The following GABRA3 variants were observed in gnomAD, a reference collection of about 807,000 sequenced individuals.
GABRA3 encodes the protein gamma-aminobutyric acid type A receptor subunit alpha3, also known as gamma-aminobutyric acid receptor subunit alpha-3.
GABRA3 carries 10 observed loss-of-function variants against 30.1 expected under a neutral mutation model. The ratio of observed to expected loss-of-function variants is 0.33; its 90% CI spans 0.20 to 0.56. The LOEUF is 0.56. GABRA3 is among the 20% of genes least tolerant of loss of function. The pLI is 0.89. For synonymous variants in GABRA3, 151 were observed against 146.8 expected (o/e 1.03, Z -0.21); for missense variants, 233 against 392.0 (o/e 0.59, Z 3.42).
chrX:152,393,084 G>A (rs1929537254), intron 1 of GABRA3, among the ~76,000 whole-genome samples: 1 of 112,079 alleles, frequency 8.9e-6, no homozygotes, highest in Admixed American at 9.5e-5. Context: ...TACAGGAGCA[G>A]GTAGACATGA....
At chrX:152,276,196 T>A (rs982340572) in intron 4 of GABRA3, among the ~76,000 whole-genome samples, 2 of 111,723 alleles carry the variant, frequency 1.8e-5, no homozygotes, top group Non-Finnish European at 3.8e-5. Context: ...GTTTATACTT[T>A]TGCTGATGCA....
chrX:152,192,363 G>T (rs1937334442), intron 8 of GABRA3, among the ~76,000 whole-genome samples: 1 of 111,904 alleles, frequency 8.9e-6, no homozygotes, highest in African/African-American at 3.2e-5. Flanking sequence ...TCTCCTTTGA[G>T]CACTTCTAGT....
intron 3 of GABRA3, among the ~76,000 whole-genome samples, chrX:152,287,910 C>G (rs942805307): frequency 9.0e-6 from 1 of 110,644 alleles, no homozygotes; most frequent in Non-Finnish European, 1.9e-5. Flanking sequence ...GTCCAGTGTA[C>G]CAGATCAGCT....
intron 9 of GABRA3, among the ~76,000 whole-genome samples, chrX:152,182,769 G>C (rs1459191589): frequency 4.3e-4 from 3 of 7,054 alleles, no homozygotes; most frequent in African/African-American, 1.3e-3. Flanking sequence ...TGTATATATA[G>C]TATATATATA....
chrX:152,387,001 C>T (rs1929337376), intron 1 of GABRA3, among the ~76,000 whole-genome samples: 1 of 106,756 alleles, frequency 9.4e-6, no homozygotes, highest in Non-Finnish European at 1.9e-5. Flanking sequence ...TTTGTAGGGA[C>T]ATGGATGAAA....
At chrX:152,387,011 A>G (rs1412933277) in intron 1 of GABRA3, among the ~76,000 whole-genome samples, 1 of 106,928 alleles carries the variant, frequency 9.4e-6, no homozygotes, top group African/African-American at 3.4e-5. Flanking sequence ...CATGGATGAA[A>G]TTGGAAATCA....
At chrX:152,216,836 A>G (rs1283915200) in intron 6 of GABRA3, among the ~76,000 whole-genome samples, 2 of 111,020 alleles carry the variant, frequency 1.8e-5, no homozygotes, top group Non-Finnish European at 3.8e-5. Context: ...TCACAAATAC[A>G]CGATAAATAT....
chrX:152,195,790 C>A (rs972684888), intron 8 of GABRA3, among the ~76,000 whole-genome samples: 1 of 111,776 alleles, frequency 8.9e-6, no homozygotes, highest in Non-Finnish European at 1.9e-5. Context: ...ATCTCAAGAT[C>A]TTTTATTTAA....
chrX:152,346,934 G>T (rs1208821305), intron 2 of GABRA3, among the ~76,000 whole-genome samples: 1 of 111,649 alleles, frequency 9.0e-6, no homozygotes, highest in Non-Finnish European at 1.9e-5. Context: ...GAGTTTGGTG[G>T]TTCCTCAAAA....
At chrX:152,274,545 T>A (rs1470763523) in intron 4 of GABRA3, among the ~76,000 whole-genome samples, 6 of 111,387 alleles carry the variant, frequency 5.4e-5, no homozygotes. Context: ...TGAAAAACAC[T>A]AAAAAAATTT....
intron 5 of GABRA3, among the ~76,000 whole-genome samples, chrX:152,240,087 T>C (rs1938326318): frequency 1.0e-5 from 1 of 98,134 alleles, no homozygotes; most frequent in Admixed American, 1.1e-4. Flanking sequence ...TTCTTCCTAG[T>C]CTCGATGGTC....
In GABRA3 at chrX:152,383,605, A is replaced by G. The variant is rs5970287; in HGVS notation, c.-26-19009T>C. On this transcript the variant is annotated intron_variant, in intron 1 of 9. Coordinates refer to ENST00000370314, the MANE Select transcript of GABRA3 (RefSeq NM_000808.4). ...GCAAATCAAAAATTTATAATACTCC[A>G]TATTAAGAAAGCAAAGGGTAAAATC... is the stretch of plus-strand genomic sequence containing the variant. Among the ~76,000 whole-genome samples, 788 of 108,275 alleles carry G rather than the reference A, an allele frequency of 7.3e-3. 7 individuals carry two copies. The highest frequency in any genetic ancestry group is 0.024 in the African/African-American group (713 of 29,806). The allele number at this position is 108,275 out of a possible 115,157, so 94.0% of individuals were successfully genotyped here.
intron 5 of GABRA3, among the ~76,000 whole-genome samples, chrX:152,238,540 A>G (rs1938280736): frequency 9.3e-6 from 1 of 107,459 alleles, no homozygotes; most frequent in East Asian, 2.9e-4. Context: ...CTCTTTTTCT[A>G]TTGATTGGAA....
intron 7 of GABRA3, among the ~76,000 whole-genome samples, chrX:152,199,146 T>C (rs190477658): frequency 0.031 from 3,465 of 110,297 alleles, 68 homozygotes; most frequent in South Asian, 0.078. Context: ...GCGGGCAGAT[T>C]ACGAGGTCAG....
chrX:152,396,505 C>T (rs765878449), intron 1 of GABRA3, among the ~76,000 whole-genome samples: 1 of 111,703 alleles, frequency 9.0e-6, no homozygotes, highest in African/African-American at 3.3e-5. Context: ...GAACAAAAAT[C>T]ACACTCAGAA....
intron 5 of GABRA3, among the ~76,000 whole-genome samples, chrX:152,248,278 G>C (rs1227617444): frequency 9.0e-6 from 1 of 110,903 alleles, no homozygotes; most frequent in Non-Finnish European, 1.9e-5. Context: ...TCTTGGTAAT[G>C]TTTCTTTTCC....
At chrX:152,302,175 G>T (rs1939642974) in intron 3 of GABRA3, among the ~76,000 whole-genome samples, 1 of 110,530 alleles carries the variant, frequency 9.0e-6, no homozygotes, top group South Asian at 3.8e-4. Context: ...ATAATAAGAT[G>T]ATGAATGTAA....
At chrX:152,325,790 C>T (rs886873957) in intron 3 of GABRA3, among the ~76,000 whole-genome samples, 4 of 111,655 alleles carry the variant, frequency 3.6e-5, no homozygotes, top group African/African-American at 6.5e-5. Flanking sequence ...CAGAGCGCCT[C>T]TTCTCCTCCA....
chrX:152,385,567 C>A (rs973139982), intron 1 of GABRA3, among the ~76,000 whole-genome samples: 1 of 111,949 alleles, frequency 8.9e-6, no homozygotes, highest in African/African-American at 3.2e-5. Flanking sequence ...ATGGTAGTTT[C>A]TTTTGCTGTG....
Sources: gnomAD v4.1 joint callset for allele counts (sites outside exome capture counted in the v4.1 genomes callset) on GRCh38, gnomAD v4.1.1 for gene constraint, MANE v1.5 for transcripts, NCBI Gene and HGNC (gene_info 2026-07-23, HGNC 2026-07-21) for gene names.